Variants in NRXN3 observed in about 807,000 individuals in gnomAD.
NRXN3 encodes neurexin 3.
Under a neutral mutation model 137.6 loss-of-function variants are expected in NRXN3, and 32 were observed. The ratio of observed to expected loss-of-function variants is 0.23; its 90% confidence interval spans 0.18 to 0.31. NRXN3 has a LOEUF of 0.31. NRXN3 is among the 10% of genes least tolerant of loss of function. The pLI is 1.00. For synonymous variants in NRXN3, 798 were observed against 784.5 expected (o/e 1.02, Z -0.29); for missense variants, 1,574 against 2,062.5 (o/e 0.76, Z 4.59).
intron 16 of NRXN3, among the ~76,000 whole-genome samples, chr14:79,536,645 T>C (rs1483295457): frequency 2.0e-5 from 3 of 152,072 alleles, no homozygotes. Flanking sequence ...GTGAGTTTTG[T>C]TCCCCTCTCT....
rs773973616 is a variant in NRXN3, at chr14:78,714,796, C to T, written c.1701C>T (p.Ala567=). Residue 567 remains alanine (A), a synonymous_variant, in exon 8 of 21, where the codon GCC becomes GCT. Coordinates refer to ENST00000335750, the MANE Select transcript of NRXN3 (RefSeq NM_001330195.2). The stretch of plus-strand genomic sequence containing the variant: ...ACAGCAGGCGCACGCCATTCACCGC[C>T]AGTGGGGAGAGCGAGATCCTGGACC... ...SVNSRRTPFT[A]SGESEILDLE... 92 of 1,614,002 alleles carry T rather than the reference C, an allele frequency of 5.7e-5. No homozygotes were observed. Among genetic ancestry groups the T allele is most frequent in the Non-Finnish European group, 7.0e-5 (83 of 1,180,008 alleles).
chr14:78,451,010 C>T (rs1462308684), intron 4 of NRXN3, among the ~76,000 whole-genome samples: 2 of 151,460 alleles, frequency 1.3e-5, no homozygotes, highest in Non-Finnish European at 2.9e-5. Context: ...AGCTTTGCAT[C>T]AGAATAAGGA....
At chr14:79,268,467 C>G (rs899345565) in intron 15 of NRXN3, among the ~76,000 whole-genome samples, 11 of 152,186 alleles carry the variant, frequency 7.2e-5, no homozygotes, top group African/African-American at 2.7e-4. Context: ...TCTTGTTGCT[C>G]AGCCACAGCA....
intron 16 of NRXN3, among the ~76,000 whole-genome samples, chr14:79,514,604 A>G (rs565486707): frequency 1.3e-5 from 2 of 152,312 alleles, no homozygotes; most frequent in African/African-American, 4.8e-5. Context: ...TTCATTGACC[A>G]TTCTGTTAAT....
chr14:78,822,382 G>T (rs760456779), intron 10 of NRXN3, among the ~76,000 whole-genome samples: 6 of 152,054 alleles, frequency 3.9e-5, no homozygotes, highest in Non-Finnish European at 5.9e-5. Context: ...AATGAGACTT[G>T]TTCATATGGA....
chr14:79,075,411 A>G (rs928377872), intron 15 of NRXN3, among the ~76,000 whole-genome samples: 5 of 152,208 alleles, frequency 3.3e-5, no homozygotes, highest in Admixed American at 2.6e-4. Context: ...TAGGACATTG[A>G]CAATGCATAA....
At chr14:78,721,637 C>G (rs767469388) in intron 8 of NRXN3, among the ~76,000 whole-genome samples, 3 of 152,162 alleles carry the variant, frequency 2.0e-5, no homozygotes, top group Admixed American at 6.5e-5. Flanking sequence ...AAATGAATAC[C>G]TTGGTGTACT....
intron 15 of NRXN3, among the ~76,000 whole-genome samples, chr14:79,410,700 T>G (rs2095405056): frequency 6.6e-6 from 1 of 152,106 alleles, no homozygotes; most frequent in South Asian, 2.1e-4. Flanking sequence ...AATGCAAAGT[T>G]TATTCATTGC....
chr14:79,626,678 C>A (rs2098285132), intron 16 of NRXN3, among the ~76,000 whole-genome samples: 1 of 152,096 alleles, frequency 6.6e-6, no homozygotes, highest in African/African-American at 2.4e-5. Context: ...ATCCTTTATT[C>A]AGTTTCATCT....
chr14:78,950,023 A>G (rs1303804258), intron 10 of NRXN3, among the ~76,000 whole-genome samples: 1 of 152,234 alleles, frequency 6.6e-6, no homozygotes, highest in Non-Finnish European at 1.5e-5. Flanking sequence ...GATAAACAGT[A>G]AGATCACACG....
intron 15 of NRXN3, among the ~76,000 whole-genome samples, chr14:79,259,371 C>A (rs1288572533): frequency 6.6e-6 from 1 of 151,972 alleles, no homozygotes; most frequent in Non-Finnish European, 1.5e-5. Context: ...TGATCTCATA[C>A]AGAAAACTTC....
chr14:79,339,353 C>T (rs558800414), intron 15 of NRXN3, among the ~76,000 whole-genome samples: 16 of 152,268 alleles, frequency 1.1e-4, no homozygotes, highest in Admixed American at 8.5e-4. Context: ...ATCAGAATCC[C>T]CAGGAGGGCT....
chr14:79,818,161 C>G (rs1006920237), intron 20 of NRXN3, among the ~76,000 whole-genome samples: 6 of 145,258 alleles, frequency 4.1e-5, no homozygotes, highest in Admixed American at 2.9e-4. Flanking sequence ...TCACGCCATT[C>G]TCCTGCCTCA....
chr14:79,003,330 A>G (rs2099545594), intron 15 of NRXN3, among the ~76,000 whole-genome samples: 1 of 152,254 alleles, frequency 6.6e-6, no homozygotes, highest in African/African-American at 2.4e-5. Flanking sequence ...TGTAATGACC[A>G]GAACTTTCAA....
intron 15 of NRXN3, among the ~76,000 whole-genome samples, chr14:79,047,019 G>A (rs1474643602): frequency 6.6e-6 from 1 of 151,886 alleles, no homozygotes; most frequent in Admixed American, 6.6e-5. Context: ...AGGCTTAAAT[G>A]AGTTATTACT....
At chr14:78,939,983 A>G (rs1270972183) in intron 10 of NRXN3, among the ~76,000 whole-genome samples, 2 of 152,230 alleles carry the variant, frequency 1.3e-5, no homozygotes, top group Non-Finnish European at 2.9e-5. Context: ...TGCAGCAAAC[A>G]CACGTTGCAG....
intron 15 of NRXN3, among the ~76,000 whole-genome samples, chr14:79,428,417 A>G (rs1450927770): frequency 1.3e-5 from 2 of 152,134 alleles, no homozygotes; most frequent in African/African-American, 4.8e-5. Context: ...CACTTGGTCA[A>G]ATACCTCTTT....
chr14:79,728,071 G>C (rs1488577139), intron 19 of NRXN3, among the ~76,000 whole-genome samples: 1 of 152,146 alleles, frequency 6.6e-6, no homozygotes, highest in Non-Finnish European at 1.5e-5. Flanking sequence ...GTGTCCCTTT[G>C]AAGCCTTACA....
intron 12 of NRXN3, among the ~76,000 whole-genome samples, 175 bp from the exon 13 acceptor site, chr14:78,967,033 A>G (rs779451913): frequency 6.6e-6 from 1 of 152,186 alleles, no homozygotes; most frequent in African/African-American, 2.4e-5. Context: ...ATAGTGAAGC[A>G]TGATAGAATA....
Sources: allele counts gnomAD v4.1 joint callset (sites outside exome capture counted in the v4.1 genomes callset), GRCh38; gene constraint gnomAD v4.1.1; transcripts MANE v1.5; gene names NCBI Gene and HGNC (gene_info 2026-07-23, HGNC 2026-07-21).